Variants in EPHB1 observed in about 807,000 individuals in gnomAD.
EPHB1 encodes ephrin type-B receptor 1.
A neutral mutation model predicts 94.4 loss-of-function variants in EPHB1; 30 were observed. The observed-to-expected ratio is 0.32, with a 90% CI of 0.24 to 0.43. The LOEUF (loss-of-function observed/expected upper bound fraction) is 0.43, where lower values mean the gene tolerates loss of function less well. EPHB1 is among the 20% of genes least tolerant of loss of function. The pLI is 1.00. For synonymous variants in EPHB1, 522 were observed against 489.1 expected (o/e 1.07, Z -0.89); for missense variants, 1,055 against 1,308.3 (o/e 0.81, Z 2.99).
intron 3 of EPHB1, among the ~76,000 whole-genome samples, chr3:134,967,681 C>G (rs1321096200): frequency 6.6e-6 from 1 of 152,172 alleles, no homozygotes; most frequent in Non-Finnish European, 1.5e-5. Context: ...AACTCCCAGC[C>G]TTCAGAACTG....
intron 1 of EPHB1, among the ~76,000 whole-genome samples, chr3:134,909,857 A>G (rs990125892): frequency 6.6e-6 from 1 of 152,128 alleles, no homozygotes; most frequent in Non-Finnish European, 1.5e-5. Context: ...ATTGCCCCCA[A>G]CTGCCCAGTG....
chr3:135,225,055 G>C lies in EPHB1; in HGVS notation c.2347-16093G>C, dbSNP rs543558568. ...GAGGGGAGGGGAGAGCACGTTGAGG[G>C]GGGAAGCAGACAAGCTCCTCTCTGC... On this transcript the variant is annotated intron_variant, in intron 12 of 15. Coordinates refer to ENST00000398015, the MANE Select transcript of EPHB1 (RefSeq NM_004441.5). 3.3e-5 allele frequency among the ~76,000 whole-genome samples: 5 copies of C among 152,220 alleles called. No individual in the cohort carries two copies. The South Asian group carries it at 1.0e-3, about 32-fold the overall frequency.
At chr3:134,876,170 C>A (rs1578161274) in intron 1 of EPHB1, among the ~76,000 whole-genome samples, 2 of 152,152 alleles carry the variant, frequency 1.3e-5, no homozygotes, top group African/African-American at 2.4e-5. Flanking sequence ...CCTTCTCCAC[C>A]CCTTCCTCAC....
intron 1 of EPHB1, among the ~76,000 whole-genome samples, chr3:134,839,760 A>C (rs931652388): frequency 6.6e-6 from 1 of 152,196 alleles, no homozygotes; most frequent in South Asian, 2.1e-4. Context: ...CAGGTCCCCT[A>C]TTAGGAAGCC....
Position 135,259,402 on chromosome 3 carries a change from A to G in EPHB1, c.*282A>G, listed in dbSNP as rs1576510362. 1 of 266,694 alleles carries G rather than the reference A, an allele frequency of 3.7e-6. No individual in the cohort carries two copies. Among genetic ancestry groups the G allele is most frequent in the South Asian group, 1.1e-4 (1 of 9,248 alleles). 16.5% of individuals were successfully genotyped at this position (266,694 alleles called of 1,614,324 possible). ...ACAAAACAATATGCATCAGGAGAAC[A>G]AGAGTAAACCCAGCTCCCATTCTCA... On this transcript the variant is annotated 3_prime_UTR_variant, in exon 16 of 16. Coordinates refer to ENST00000398015, the MANE Select transcript of EPHB1 (RefSeq NM_004441.5).
intron 4 of EPHB1, among the ~76,000 whole-genome samples, chr3:135,114,684 C>G (rs956367781): frequency 2.0e-5 from 3 of 150,364 alleles, no homozygotes; most frequent in Non-Finnish European, 4.4e-5. Flanking sequence ...GATCGTGTCA[C>G]TGCACTCCAG....
chr3:135,162,474 G>C (rs921635956), intron 7 of EPHB1, among the ~76,000 whole-genome samples: 1 of 152,146 alleles, frequency 6.6e-6, no homozygotes, highest in Non-Finnish European at 1.5e-5. Context: ...CTCTTGCCTA[G>C]GTATCCAGGT....
At chr3:135,237,614 C>T (rs923438742) in intron 12 of EPHB1, among the ~76,000 whole-genome samples, 3 of 152,184 alleles carry the variant, frequency 2.0e-5, no homozygotes, top group Admixed American at 6.5e-5. Context: ...GGAAGCAAGT[C>T]ATCTGGTACC....
At position 135,248,404 on chromosome 3, in the gene EPHB1, A is replaced by C; in HGVS notation, c.2585A>C (p.Gln862Pro). 1.9e-6 allele frequency: 3 copies of C among 1,613,996 alleles called. No homozygotes were observed. Among genetic ancestry groups the C allele is most frequent in the Non-Finnish European group, 2.5e-6 (3 of 1,179,916 alleles). ...CACCAGCTCATGCTGGACTGTTGGC[A>C]GAAGGACCGGAACAGCCGGCCCCGG... ...ALHQLMLDCWQKDRNSRPRFA... is the reference protein window; with the variant it reads ...ALHQLMLDCWPKDRNSRPRFA... Residue 862 changes from glutamine (Q) to proline (P), a missense_variant, in exon 14 of 16, where the codon CAG becomes CCG. By Grantham distance (76) the Gln-to-Pro change is moderately conservative. Coordinates refer to ENST00000398015, the MANE Select transcript of EPHB1 (RefSeq NM_004441.5).
chr3:135,039,255 C>T (rs1936750240), intron 3 of EPHB1, among the ~76,000 whole-genome samples: 2 of 152,316 alleles, frequency 1.3e-5, no homozygotes, highest in South Asian at 4.1e-4. Context: ...TTGGTGCACT[C>T]ACAAACCTTG....
intron 3 of EPHB1, among the ~76,000 whole-genome samples, chr3:135,056,048 A>G (rs1273796618): frequency 6.6e-6 from 1 of 152,136 alleles, no homozygotes. Context: ...TGGCCCACCT[A>G]TCAGACCACT....
chr3:135,155,829 G>A (rs1941336596), intron 6 of EPHB1, among the ~76,000 whole-genome samples: 1 of 149,294 alleles, frequency 6.7e-6, no homozygotes, highest in African/African-American at 2.5e-5. Context: ...CTTTTCCACT[G>A]AGTGAGATAT....
intron 1 of EPHB1, among the ~76,000 whole-genome samples, chr3:134,853,900 A>G (rs2037048266): frequency 6.6e-6 from 1 of 152,196 alleles, no homozygotes; most frequent in Non-Finnish European, 1.5e-5. Flanking sequence ...CATCCAGGAC[A>G]GAGAGCCCAT....
Position 135,259,622 on chromosome 3 carries a change from A to G in EPHB1, c.*502A>G, listed in dbSNP as rs939399295. 1.0e-5 allele frequency: 2 copies of G among 195,124 alleles called. No homozygotes were observed. The highest frequency in any genetic ancestry group is 2.3e-5 in the African/African-American group (1 of 43,098). The allele number at this position is 195,124 out of a possible 1,614,324, so 12.1% of individuals were successfully genotyped here. On this transcript the variant is annotated 3_prime_UTR_variant, in exon 16 of 16. Coordinates refer to ENST00000398015, the MANE Select transcript of EPHB1 (RefSeq NM_004441.5). Reference sequence around the variant, plus strand: ...CTCCTGTAGGGAAGTTTCTTCAAACAAAACCCAGCTCCTGAGTCTCCAGAT... The same window carrying G: ...CTCCTGTAGGGAAGTTTCTTCAAACGAAACCCAGCTCCTGAGTCTCCAGAT...
intron 9 of EPHB1, among the ~76,000 whole-genome samples, chr3:135,176,941 C>T (rs1254051840): frequency 6.6e-6 from 1 of 152,102 alleles, no homozygotes; most frequent in African/African-American, 2.4e-5. Flanking sequence ...ACTAATATAA[C>T]CCTAAGCGGC....
chr3:134,994,211 G>A (rs959742708), intron 3 of EPHB1, among the ~76,000 whole-genome samples: 3 of 152,078 alleles, frequency 2.0e-5, no homozygotes, highest in African/African-American at 4.8e-5. Context: ...ATCATGCTGC[G>A]TCTGACACAT....
intron 3 of EPHB1, among the ~76,000 whole-genome samples, chr3:134,961,139 G>T (rs1578233215): frequency 6.6e-6 from 1 of 152,188 alleles, no homozygotes; most frequent in South Asian, 2.1e-4. Context: ...ACTGGGCCCT[G>T]TATGCTTATA....
chr3:134,845,897 C>T (rs1337173959), intron 1 of EPHB1, among the ~76,000 whole-genome samples: 2 of 152,170 alleles, frequency 1.3e-5, no homozygotes, highest in Non-Finnish European at 2.9e-5. Context: ...ACTTGAACTA[C>T]CCACACAATA....
chr3:134,991,373 A>G (rs140359597), intron 3 of EPHB1, among the ~76,000 whole-genome samples: 1 of 152,264 alleles, frequency 6.6e-6, no homozygotes, highest in East Asian at 1.9e-4. Context: ...AGACTTTGTT[A>G]AATACTCGCA....
Sources: allele counts gnomAD v4.1 joint callset (sites outside exome capture counted in the v4.1 genomes callset), GRCh38; gene constraint gnomAD v4.1.1; transcripts MANE v1.5; gene names NCBI Gene and HGNC (gene_info 2026-07-23, HGNC 2026-07-21).